The following MORC1 variants were observed in gnomAD, a reference collection of about 807,000 sequenced individuals.
MORC1 encodes MORC family CW-type zinc finger protein 1.
A neutral mutation model predicts 134.9 loss-of-function variants in MORC1; 59 were observed. The ratio of observed to expected loss-of-function variants is 0.44; its 90% CI spans 0.35 to 0.54. The LOEUF is 0.54. Among genes scored for constraint, MORC1 ranks in the 20% least tolerant of loss-of-function variants. The pLI is 0.00. For synonymous variants in MORC1, 395 were observed against 391.7 expected, an observed-to-expected ratio of 1.01 and a Z score of -0.10; for missense variants, 947 against 1,134.5, an observed-to-expected ratio of 0.83 and a Z score of 2.37.
intron 18 of MORC1, 135 bp from the exon 19 acceptor site, chr3:109,005,450 A>G: frequency 1.2e-6 from 1 of 806,920 alleles, no homozygotes; most frequent in Non-Finnish European, 1.8e-6. Flanking sequence ...AAGCTTAGAA[A>G]CAACTTTAAT....
chr3:109,041,897 T>A (rs1017925314), intron 14 of MORC1, among the ~76,000 whole-genome samples: 1 of 151,704 alleles, frequency 6.6e-6, no homozygotes, highest in East Asian at 2.0e-4. Flanking sequence ...TGAGCCGAGA[T>A]TGTGCCACTA....
chr3:109,019,300 A>G (rs560685585), intron 17 of MORC1, among the ~76,000 whole-genome samples: 3 of 152,270 alleles, frequency 2.0e-5, no homozygotes, highest in South Asian at 2.1e-4. Context: ...GCTCGTAAGC[A>G]TTGCCCCTTC....
chr3:109,016,733 G>A (rs531752941), intron 17 of MORC1, among the ~76,000 whole-genome samples: 4 of 152,206 alleles, frequency 2.6e-5, no homozygotes, highest in South Asian at 2.1e-4. Flanking sequence ...GCATGGTGGC[G>A]GGCGCCTGTA....
chr3:109,111,061 A>AAAAAC lies in MORC1; in HGVS notation c.120-279_120-278insGTTTT, dbSNP rs767238353. On this transcript the variant is annotated intron_variant, in intron 2 of 27. Coordinates refer to ENST00000232603, the MANE Select transcript of MORC1 (RefSeq NM_014429.4). ...AAATGGATATAATTTAAAAAAAAAAAAAAAAAACAAAAAAAGCTGGCTGGC... is the reference window on the plus strand; with the variant it reads ...AAATGGATATAATTTAAAAAAAAAAAAAAACAAAAAAACAAAAAAAGCTGGCTGGC... Among the ~76,000 whole-genome samples the AAAAAC allele has an allele frequency of 5.9e-3, 884 of 150,724 alleles. 5 individuals are homozygous for AAAAAC. Among genetic ancestry groups the AAAAAC allele is most frequent in the Middle Eastern group, 0.014 (4 of 292 alleles).
chr3:108,970,185 G>T (rs762213414), intron 25 of MORC1, among the ~76,000 whole-genome samples: 1 of 151,866 alleles, frequency 6.6e-6, no homozygotes, highest in Admixed American at 6.6e-5. Context: ...AAAGAAAGTG[G>T]CCCAGGAATG....
In MORC1 at chr3:109,007,052, T is replaced by A. The variant is rs1948556098; in HGVS notation, c.1744A>T (p.Thr582Ser). ...ACCTTATGTGCTGAAGTTAGGCAGG[T>A]GGAAGTGACAGTGATTTCGTCCACT... ...IPVDEITVTS[T>S]CLTSAHKENT... The change falls in exon 18 of 28, where the codon ACC becomes TCC. Residue 582 changes from threonine to serine, a missense_variant. By Grantham distance (58) the Thr-to-Ser change is moderately conservative (BLOSUM62 1). Coordinates refer to ENST00000232603, the MANE Select transcript of MORC1 (RefSeq NM_014429.4). 1 of 1,612,496 alleles carries A rather than the reference T, an allele frequency of 6.2e-7. No individual in the cohort carries two copies. Among genetic ancestry groups the A allele is most frequent in the Non-Finnish European group, 8.5e-7 (1 of 1,179,288 alleles).
intron 23 of MORC1, among the ~76,000 whole-genome samples, chr3:108,981,615 T>G (rs1175047760): frequency 6.6e-6 from 1 of 152,192 alleles, no homozygotes; most frequent in African/African-American, 2.4e-5. Context: ...AAACCTCTGT[T>G]TCTTGTTCTG....
chr3:109,057,236 TGA>T, intron 13 of MORC1, 105 bp downstream of exon 13: 1 of 1,177,388 alleles, frequency 8.5e-7, no homozygotes, highest in Non-Finnish European at 1.2e-6. Context: ...ACAGAGACTA[TGA>T]CACTTGCTCC....
intron 14 of MORC1, among the ~76,000 whole-genome samples, chr3:109,040,460 G>GAA (rs1467856348): frequency 7.3e-6 from 1 of 137,842 alleles, no homozygotes; most frequent in Admixed American, 7.4e-5. Flanking sequence ...AAGAAAGAAA[G>GAA]AAAGAAAGAA....
chr3:109,096,834 G>T (rs547820503), intron 6 of MORC1, among the ~76,000 whole-genome samples: 24 of 151,968 alleles, frequency 1.6e-4, no homozygotes, highest in African/African-American at 5.6e-4. Flanking sequence ...CCCCTTTCTG[G>T]TAACAAAAGG....
At chr3:108,972,054 G>A (rs1947398195) in intron 24 of MORC1, among the ~76,000 whole-genome samples, 1 of 152,148 alleles carries the variant, frequency 6.6e-6, no homozygotes, top group South Asian at 2.1e-4. Flanking sequence ...AGTCTCCAGA[G>A]TAATTTTTGC....
chr3:109,040,308 C>G (rs1949479231), intron 14 of MORC1, among the ~76,000 whole-genome samples: 1 of 143,480 alleles, frequency 7.0e-6, no homozygotes, highest in Non-Finnish European at 1.5e-5. Context: ...GCAGATCTAC[C>G]AGACAAAGAC....
chr3:109,076,428 A>C (rs2107723338), intron 8 of MORC1, among the ~76,000 whole-genome samples: 1 of 152,332 alleles, frequency 6.6e-6, no homozygotes, highest in East Asian at 1.9e-4. Context: ...GCAATTCCTC[A>C]AGAATCTAGA....
At chr3:108,993,613 C>G (rs905915949) in intron 21 of MORC1, among the ~76,000 whole-genome samples, 1 of 152,134 alleles carries the variant, frequency 6.6e-6, no homozygotes, top group South Asian at 2.1e-4. Flanking sequence ...ATCATCAAAG[C>G]TGATGAGAAA....
At chr3:109,047,909 G>A (rs889050734) in intron 14 of MORC1, among the ~76,000 whole-genome samples, 1 of 152,126 alleles carries the variant, frequency 6.6e-6, no homozygotes, top group Non-Finnish European at 1.5e-5. Flanking sequence ...AGGAATCTAC[G>A]CATTGATCAT....
intron 8 of MORC1, among the ~76,000 whole-genome samples, chr3:109,090,588 C>T (rs1950698541): frequency 6.9e-6 from 1 of 145,074 alleles, no homozygotes; most frequent in Non-Finnish European, 1.5e-5. Flanking sequence ...CCACTGAACT[C>T]CAGCCTGGGC....
chr3:109,002,039 G>A (rs1000597406), intron 20 of MORC1, among the ~76,000 whole-genome samples: 2 of 152,186 alleles, frequency 1.3e-5, no homozygotes, highest in Admixed American at 6.5e-5. Context: ...CTGCCTCCAG[G>A]AAAGGGCAGA....
intron 8 of MORC1, among the ~76,000 whole-genome samples, chr3:109,077,786 A>C (rs567636127): frequency 2.4e-4 from 36 of 152,258 alleles, no homozygotes; most frequent in African/African-American, 8.2e-4. Context: ...CAGATGTCAC[A>C]GTAAGTGTGA....
rs1233034609 is a variant in MORC1, at chr3:108,958,987, T to C, written c.2933A>G (p.Asn978Ser). ...GACTTAATTTTCCGAAGTCTTTTCA[T>C]TTTTTTCTAAAGGGAGTCTATGTCT... is the stretch of plus-strand genomic sequence containing the variant. ...DARHRLPLEK[N>S]EKTSEN Residue 978 changes from asparagine to serine, a missense_variant, in exon 28 of 28, where the codon AAT becomes AGT. Asn to Ser is a conservative substitution (Grantham distance 46). This residue lies in a region of MORC1 where 722 missense variants were observed against 817.0 expected (regional missense o/e 0.88). Transcript: ENST00000232603. 6.6e-7 allele frequency: 1 copy of C among 1,506,848 alleles called. No individual in the cohort carries two copies. Among genetic ancestry groups the C allele is most frequent in the South Asian group, 1.3e-5 (1 of 75,004 alleles). The allele number at this position is 1,506,848 out of a possible 1,614,324, so 93.3% of individuals were successfully genotyped here. A position where few individuals can be genotyped will look rare whatever the true frequency, so the allele number is the denominator to read the frequency against.
Sources: gnomAD v4.1 joint callset for allele counts (sites outside exome capture counted in the v4.1 genomes callset) on GRCh38, gnomAD v4.1.1 for gene constraint, gnomAD v4.1.1 regional missense constraint, MANE v1.5 for transcripts, NCBI Gene and HGNC (gene_info 2026-07-23, HGNC 2026-07-21) for gene names.